PSD3: variants seen among roughly 807,000 people sequenced by gnomAD.
PSD3 encodes the protein pleckstrin and Sec7 domain containing 3.
PSD3 carries 49 observed loss-of-function variants against 105.5 expected under a neutral mutation model. The observed-to-expected ratio is 0.46, with a 90% CI of 0.37 to 0.59. The LOEUF (loss-of-function observed/expected upper bound fraction) is 0.59. Among genes scored for constraint, PSD3 ranks in the 20% least tolerant of loss-of-function variants. PSD3 has a pLI of 0.00. For synonymous variants in PSD3, 557 were observed against 457.8 expected (o/e 1.22, Z -2.77); for missense variants, 1,561 against 1,263.8 (o/e 1.24, Z -3.57).
intron 14 of PSD3, among the ~76,000 whole-genome samples, chr8:18,557,077 T>C (rs1401279119): frequency 1.3e-5 from 2 of 152,222 alleles, no homozygotes; most frequent in African/African-American, 2.4e-5. Context: ...GGGTACCATT[T>C]ATATCACCTT....
intron 2 of PSD3, among the ~76,000 whole-genome samples, chr8:18,887,564 G>C (rs887541301): frequency 6.6e-6 from 1 of 152,156 alleles, no homozygotes; most frequent in African/African-American, 2.4e-5. Flanking sequence ...AAGTGAGGTG[G>C]AAAGTAGCAG....
intron 1 of PSD3, among the ~76,000 whole-genome samples, chr8:18,992,950 A>C (rs974049608): frequency 6.6e-6 from 1 of 152,190 alleles, no homozygotes. Context: ...TCATAAAAAT[A>C]ATCTGATTAA....
At chr8:18,587,489 G>C (rs550085203) in intron 12 of PSD3, among the ~76,000 whole-genome samples, 1 of 152,022 alleles carries the variant, frequency 6.6e-6, no homozygotes, top group South Asian at 2.1e-4. Context: ...GTAAAAAGTA[G>C]TTTGCCACTC....
chr8:19,061,826 C>G (rs1028299050), intron 1 of PSD3, among the ~76,000 whole-genome samples: 2 of 151,830 alleles, frequency 1.3e-5, no homozygotes, highest in South Asian at 4.1e-4. Flanking sequence ...AAAATCACTT[C>G]CCAGACTTTA....
intron 9 of PSD3, among the ~76,000 whole-genome samples, chr8:18,673,887 A>G (rs986386003): frequency 6.6e-6 from 1 of 152,104 alleles, no homozygotes; most frequent in Non-Finnish European, 1.5e-5. Flanking sequence ...CATACCTGTA[A>G]TCCCAACGAT....
intron 1 of PSD3, among the ~76,000 whole-genome samples, chr8:19,077,309 C>A (rs541558421): frequency 4.6e-5 from 7 of 152,230 alleles, no homozygotes; most frequent in African/African-American, 1.7e-4. Flanking sequence ...ATCTGCTGGA[C>A]CTGGTTATTG....
chr8:18,910,434 C>A (rs1820133675), intron 2 of PSD3, among the ~76,000 whole-genome samples: 1 of 110,090 alleles, frequency 9.1e-6, no homozygotes, highest in Non-Finnish European at 1.8e-5. Context: ...GGGAATTGAA[C>A]AATGAGATCA....
chr8:18,804,963 G>A, intron 4 of PSD3, 65 bp from the exon 5 acceptor site: 1 of 1,274,196 alleles, frequency 7.8e-7, no homozygotes, highest in Non-Finnish European at 1.1e-6. Context: ...GAAAATATCT[G>A]ATGAAATATT....
rs1554533529 is a variant in PSD3 at position 18,892,193 on chromosome 8, A to ACACAC, written c.131-19461_131-19460insGTGTG. On this transcript the variant is annotated intron_variant, in intron 2 of 15. Transcript: ENST00000327040. Reference sequence around the variant, plus strand: ...CTTACAATCACACACACACACACACAAACTTTATTTTCTATTAATATAAAC... The same window carrying ACACAC: ...CTTACAATCACACACACACACACACACACACAACTTTATTTTCTATTAATATAAAC... 3.3e-5 allele frequency among the ~76,000 whole-genome samples: 5 copies of ACACAC among 151,426 alleles called. No homozygotes were observed. In the South Asian group the frequency reaches 6.3e-4, roughly 19 times the overall value.
chr8:18,653,718 C>G (rs1411754546), intron 10 of PSD3, among the ~76,000 whole-genome samples: 1 of 151,804 alleles, frequency 6.6e-6, no homozygotes, highest in South Asian at 2.1e-4. Context: ...TTTCTTGCAT[C>G]AAACTCCGAC....
At chr8:18,892,455 C>A (rs10088687) in intron 2 of PSD3, among the ~76,000 whole-genome samples, 3,034 of 151,938 alleles carry the variant, frequency 0.02, 44 homozygotes, top group African/African-American at 0.047. Context: ...GATCTCCTGA[C>A]CTCATGATCT....
chr8:18,902,938 C>T (rs574152985), intron 2 of PSD3, among the ~76,000 whole-genome samples: 1 of 152,304 alleles, frequency 6.6e-6, no homozygotes, highest in Non-Finnish European at 1.5e-5. Context: ...TCAGGTCTGA[C>T]ATGGCCTACA....
intron 10 of PSD3, among the ~76,000 whole-genome samples, chr8:18,647,649 C>T (rs1297805989): frequency 2.3e-5 from 3 of 133,112 alleles, no homozygotes; most frequent in South Asian, 2.5e-4. Context: ...TGAGCCAATA[C>T]ATGATTTTTT....
At chr8:19,076,194 T>C (rs1024197995) in intron 1 of PSD3, among the ~76,000 whole-genome samples, 13 of 152,266 alleles carry the variant, frequency 8.5e-5, no homozygotes, top group African/African-American at 3.1e-4. Context: ...GTAAGAATTT[T>C]TCCATGAGCT....
chr8:18,676,327 A>G (rs1994440), intron 9 of PSD3, among the ~76,000 whole-genome samples: 151,007 of 152,284 alleles, frequency 0.99, 74,881 homozygotes, highest in East Asian at 1. Flanking sequence ...ATGCAGTACG[A>G]CCTTGGGAGT....
rs1817066674 is a variant in PSD3 at position 18,867,935 on chromosome 8, G to A, written c.1373C>T (p.Ala458Val). 1 of 1,614,074 alleles carries A rather than the reference G, an allele frequency of 6.2e-7. No homozygotes were observed. Among genetic ancestry groups the A allele is most frequent in the Non-Finnish European group, 8.5e-7 (1 of 1,180,038 alleles). ...TGAGTATAATGTCTCCAGGGACTCT[G>A]CACTGTAGTATAAAGAAGTGTTGTC... ...ILDNTSLYYS[A>V]ESLETLYSEP... Residue 458 changes from alanine to valine, a missense_variant, in exon 4 of 16, where the codon GCA becomes GTA. Physicochemically the swap from Ala to Val is moderately conservative, Grantham distance 64 (BLOSUM62 0). Coordinates refer to ENST00000327040, the MANE Select transcript of PSD3 (RefSeq NM_015310.4).
intron 12 of PSD3, among the ~76,000 whole-genome samples, chr8:18,583,278 A>G (rs891448753): frequency 3.3e-5 from 5 of 152,296 alleles, no homozygotes; most frequent in Non-Finnish European, 7.4e-5. Context: ...GTTTCTACAA[A>G]TAATAGAAAA....
intron 1 of PSD3, among the ~76,000 whole-genome samples, chr8:18,951,928 C>A (rs560681632): frequency 6.6e-6 from 1 of 152,178 alleles, no homozygotes; most frequent in South Asian, 2.1e-4. Flanking sequence ...CAGATCACAC[C>A]AGTGCACCCC....
intron 1 of PSD3, among the ~76,000 whole-genome samples, chr8:19,009,716 C>A (rs1262118553): frequency 2.0e-5 from 3 of 152,118 alleles, no homozygotes; most frequent in Non-Finnish European, 2.9e-5. Context: ...ACGATGAAAC[C>A]CCGTCTATAC....
Sources: allele counts gnomAD v4.1 joint callset (sites outside exome capture counted in the v4.1 genomes callset), GRCh38; gene constraint gnomAD v4.1.1; transcripts MANE v1.5; gene names NCBI Gene and HGNC (gene_info 2026-07-23, HGNC 2026-07-21).